The following SCHIP1 variants were observed in gnomAD, a reference collection of about 807,000 sequenced individuals.
The protein encoded by SCHIP1 is schwannomin-interacting protein 1.
In SCHIP1, 8 loss-of-function variants were observed where a neutral mutation model predicts 29.7. The observed-to-expected ratio is 0.27, with a 90% CI of 0.16 to 0.49. The LOEUF is 0.49. Ranked by LOEUF, SCHIP1 falls within the 20% of genes least tolerant of loss-of-function variation. The probability of loss-of-function intolerance (pLI) is 0.99; values close to 1 mark genes in which losing one functional copy is unlikely to be tolerated. For missense variants in SCHIP1, 193 were observed against 294.6 expected (o/e 0.66, Z 2.52); for synonymous variants, 76 against 94.9 (o/e 0.80, Z 1.16).
the SCHIP1 span, among the ~76,000 whole-genome samples, chr3:159,526,738 A>G: frequency 6.6e-6 from 1 of 152,232 alleles, no homozygotes; most frequent in African/African-American, 2.4e-5. Flanking sequence ...ACCAGTCAAC[A>G]TCTTGCCATA....
intron 6 of SCHIP1, chr3:159,892,799 C>G (rs1353284637): frequency 6.5e-6 from 1 of 152,820 alleles, no homozygotes; most frequent in East Asian, 1.9e-4. Context: ...AAATTTTGCA[C>G]TTCTTTGTAG....
the SCHIP1 span, among the ~76,000 whole-genome samples, chr3:159,744,847 T>C: frequency 6.6e-6 from 1 of 152,002 alleles, no homozygotes; most frequent in Admixed American, 6.5e-5. Flanking sequence ...TAGCTGGGCG[T>C]GGTGGCAGGC....
the SCHIP1 span, among the ~76,000 whole-genome samples, chr3:159,797,062 C>T: frequency 6.6e-6 from 1 of 152,188 alleles, no homozygotes; most frequent in African/African-American, 2.4e-5. Context: ...TTATTTTTTA[C>T]ATAAAGGACT....
the SCHIP1 span, chr3:159,764,871 C>T: frequency 1.9e-6 from 3 of 1,583,966 alleles, no homozygotes; most frequent in East Asian, 2.4e-5. The surrounding 1 kb of genome is among the most constrained non-coding windows in gnomAD (Gnocchi z 6.1). Flanking sequence ...GGCACAATGG[C>T]AACGTGGTGG....
the SCHIP1 span, among the ~76,000 whole-genome samples, chr3:159,311,895 A>G: frequency 6.6e-6 from 1 of 152,160 alleles, no homozygotes; most frequent in African/African-American, 2.4e-5. Context: ...TATCTTCCAA[A>G]CTTTTGAGAG....
chr3:159,897,132 G>A (rs1718124401), exon 7 of SCHIP1: 1 of 167,320 alleles, frequency 6.0e-6, no homozygotes, highest in African/African-American at 2.4e-5. Context: ...TAGTTTTAAA[G>A]AAGAACTGTA....
At chr3:159,729,191 T>C in the SCHIP1 span, among the ~76,000 whole-genome samples, 7 of 151,596 alleles carry the variant, frequency 4.6e-5, no homozygotes, top group African/African-American at 1.5e-4. Flanking sequence ...AGAAAGAAAA[T>C]AGAAGTGTTC....
the SCHIP1 span, among the ~76,000 whole-genome samples, chr3:159,410,979 T>C: frequency 2.0e-5 from 3 of 152,036 alleles, no homozygotes; most frequent in Admixed American, 1.3e-4. Context: ...TTCAACAACA[T>C]GGATAGAACT....
intron 6 of SCHIP1, chr3:159,893,807 C>T (rs1008813816): frequency 6.6e-6 from 1 of 151,674 alleles, no homozygotes; most frequent in Non-Finnish European, 1.5e-5. Flanking sequence ...CCATGGGCCC[C>T]AGGGGCATGA....
At chr3:159,850,745 G>A (rs62270401) in intron 1 of SCHIP1, among the ~76,000 whole-genome samples, 46,538 of 151,590 alleles carry the variant, frequency 0.31, 7,525 homozygotes, top group East Asian at 0.55. Context: ...AAAGAGTGGG[G>A]AGGTGCTACA....
At chr3:159,764,542 T>C in the SCHIP1 span, 1 of 1,593,226 alleles carries the variant, frequency 6.3e-7, no homozygotes, top group Non-Finnish European at 8.5e-7. This position sits in a 1 kb window ranked among gnomAD's most constrained non-coding sequence, Gnocchi z 6.1. Flanking sequence ...AGTGACCCCT[T>C]GCTCCGAGTG....
chr3:159,584,616 A>G, the SCHIP1 span, among the ~76,000 whole-genome samples: 1 of 152,156 alleles, frequency 6.6e-6, no homozygotes, highest in African/African-American at 2.4e-5. Flanking sequence ...GGGCCCAGCA[A>G]TACCATCAAA....
chr3:159,764,942 C>T, the SCHIP1 span: 1 of 1,492,728 alleles, frequency 6.7e-7, no homozygotes, highest in Non-Finnish European at 8.9e-7. This position sits in a 1 kb window ranked among gnomAD's most constrained non-coding sequence, Gnocchi z 6.1. Flanking sequence ...CCCCAGCCGG[C>T]TGGGGGCCGG....
the SCHIP1 span, among the ~76,000 whole-genome samples, chr3:159,620,580 G>A: frequency 6.6e-6 from 1 of 152,238 alleles, no homozygotes; most frequent in African/African-American, 2.4e-5. Flanking sequence ...GACTCTTCAA[G>A]TGAACTGACC....
intron 2 of SCHIP1, among the ~76,000 whole-genome samples, chr3:159,882,634 C>T (rs1716560909): frequency 6.6e-6 from 1 of 152,136 alleles, no homozygotes; most frequent in African/African-American, 2.4e-5. Flanking sequence ...CTGCTCTTGT[C>T]CCTGTATTTT....
chr3:159,400,984 T>C, the SCHIP1 span: 1 of 154,698 alleles, frequency 6.5e-6, no homozygotes, highest in Non-Finnish European at 1.4e-5. Flanking sequence ...AGTATTTGCC[T>C]AATAGGGCTG....
the SCHIP1 span, among the ~76,000 whole-genome samples, chr3:159,499,255 C>A: frequency 6.6e-6 from 1 of 152,152 alleles, no homozygotes; most frequent in Admixed American, 6.5e-5. Context: ...TGTTTAGTGC[C>A]TGAGTCATGG....
At chr3:159,351,719 T>C in the SCHIP1 span, among the ~76,000 whole-genome samples, 15 of 152,302 alleles carry the variant, frequency 9.8e-5, 1 homozygote, top group East Asian at 2.3e-3. Flanking sequence ...AGTCCTAGTT[T>C]ATGGTACAGT....
chr3:159,803,309 A>G, the SCHIP1 span, among the ~76,000 whole-genome samples: 1 of 152,298 alleles, frequency 6.6e-6, no homozygotes, highest in Non-Finnish European at 1.5e-5. Flanking sequence ...ACCATGCAAC[A>G]TAGAAAGATT....
Sources: gnomAD v4.1 joint callset for allele counts (sites outside exome capture counted in the v4.1 genomes callset) on GRCh38, gnomAD v4.1.1 for gene constraint, Gnocchi (gnomAD v3.1) non-coding constraint, MANE v1.5 for transcripts, NCBI Gene and HGNC (gene_info 2026-07-23, HGNC 2026-07-21) for gene names.